The following TMEM230 variants were observed in gnomAD, a reference collection of about 807,000 sequenced individuals.
TMEM230 encodes the protein transmembrane protein 230, also known as UPF0414 transmembrane protein C20orf30.
In TMEM230, 10 loss-of-function variants were observed where a neutral mutation model predicts 15.8. That is an observed-to-expected ratio of 0.63 (90% confidence interval 0.39 to 1.07). TMEM230 has a LOEUF of 1.07. Among genes scored for constraint, TMEM230 ranks in the 50% least tolerant of loss-of-function variants. The probability of loss-of-function intolerance (pLI) is 0.01; values close to 1 mark genes in which losing one functional copy is unlikely to be tolerated. For missense variants in TMEM230, 165 were observed against 193.3 expected (o/e 0.85, Z 0.87); for synonymous variants, 67 against 76.9 (o/e 0.87, Z 0.68).
intron 3 of TMEM230, among the ~76,000 whole-genome samples, chr20:5,091,309 C>T (rs1349548336): frequency 2.0e-5 from 3 of 152,192 alleles, no homozygotes; most frequent in Admixed American, 1.3e-4. Context: ...CTCCCCGGTT[C>T]AAGTGATTCT....
At chr20:5,088,390 C>T (rs2089415896) in intron 3 of TMEM230, among the ~76,000 whole-genome samples, 1 of 151,734 alleles carries the variant, frequency 6.6e-6, no homozygotes, top group African/African-American at 2.4e-5. Flanking sequence ...CCAGCATTTT[C>T]CACGGGAGAC....
downstream of TMEM230, among the ~76,000 whole-genome samples, chr20:5,065,268 T>G (rs776477838): frequency 7.9e-5 from 12 of 152,074 alleles, no homozygotes; most frequent in Non-Finnish European, 1.2e-4. Context: ...AAAAAAAGAT[T>G]AACTTCCCAA....
chr20:5,103,216 C>T (rs889265796), intron 4 of TMEM230, among the ~76,000 whole-genome samples: 2 of 152,146 alleles, frequency 1.3e-5, no homozygotes, highest in Non-Finnish European at 2.9e-5. Flanking sequence ...AATTCCAGCA[C>T]TTTGGGAGGC....
chr20:5,065,356 G>A (rs1237474835), downstream of TMEM230, among the ~76,000 whole-genome samples: 1 of 152,214 alleles, frequency 6.6e-6, no homozygotes, highest in Non-Finnish European at 1.5e-5. Context: ...TGGCTGAGAG[G>A]TGACCAATTG....
chr20:5,061,806 T>C, the TMEM230 span, among the ~76,000 whole-genome samples: 1 of 152,090 alleles, frequency 6.6e-6, no homozygotes, highest in Admixed American at 6.5e-5. Flanking sequence ...GGAGTATACT[T>C]GAAAATAGGG....
At chr20:5,064,966 T>C (rs1236861779), downstream of TMEM230, among the ~76,000 whole-genome samples, 1 of 151,824 alleles carries the variant, frequency 6.6e-6, no homozygotes, top group African/African-American at 2.4e-5. Context: ...AGCTTAGGAG[T>C]TTGAGACCAG....
At chr20:5,080,715 C>T (rs986492436) in intron 3 of TMEM230, among the ~76,000 whole-genome samples, 4 of 152,068 alleles carry the variant, frequency 2.6e-5, no homozygotes, top group Admixed American at 6.6e-5. Context: ...TACAGGCATG[C>T]GCCACCACGC....
At chr20:5,096,943 G>A (rs141145483), downstream of TMEM230, among the ~76,000 whole-genome samples, 37 of 152,282 alleles carry the variant, frequency 2.4e-4, no homozygotes, top group African/African-American at 7.9e-4. Context: ...AAAGAGTGGT[G>A]GAAACTTTAG....
intron 3 of TMEM230, among the ~76,000 whole-genome samples, chr20:5,074,373 T>C (rs960284684): frequency 3.9e-5 from 6 of 152,032 alleles, no homozygotes; most frequent in African/African-American, 1.5e-4. Flanking sequence ...TGAACCTTAC[T>C]AGATACCCCT....
intron 4 of TMEM230, among the ~76,000 whole-genome samples, chr20:5,103,917 A>G (rs2089971965): frequency 1.3e-5 from 2 of 152,212 alleles, no homozygotes. Context: ...AAGCACAAGC[A>G]ACCAAAACAA....
downstream of TMEM230, among the ~76,000 whole-genome samples, chr20:5,064,146 A>G (rs371932805): frequency 3.9e-5 from 6 of 152,282 alleles, no homozygotes; most frequent in East Asian, 1.2e-3. Flanking sequence ...GCACACCTGT[A>G]GTCCCAGCTA....
intron 3 of TMEM230, among the ~76,000 whole-genome samples, chr20:5,084,985 T>C (rs1026932039): frequency 6.6e-6 from 1 of 152,236 alleles, no homozygotes; most frequent in African/African-American, 2.4e-5. Flanking sequence ...TTTAGTAATT[T>C]ATATTTTATT....
At chr20:5,102,006 C>A (rs934340341) in intron 4 of TMEM230, among the ~76,000 whole-genome samples, 38 of 152,202 alleles carry the variant, frequency 2.5e-4, no homozygotes, top group African/African-American at 9.2e-4. Flanking sequence ...GCATGCTGCT[C>A]CAGCTACAGC....
At chr20:5,063,378 C>T (rs1415876685), downstream of TMEM230, among the ~76,000 whole-genome samples, 1 of 144,906 alleles carries the variant, frequency 6.9e-6, no homozygotes, top group Non-Finnish European at 1.5e-5. Context: ...ACTTCTGCCT[C>T]CCAGTTTCAA....
chr20:5,106,292 T>G lies in TMEM230; in HGVS notation c.307A>C (p.Lys103Gln). ...AGTGCGATGGCCTTATAAGGGATCT[T>G]AGGAGGGGTTTTCTTAAACTGGAAG... The change falls in exon 4 of 5, where the codon AAG (lysine) becomes CAG (glutamine). Residue 103 changes from lysine (K) to glutamine (Q), a missense_variant. Lys to Gln is a moderately conservative substitution (Grantham distance 53, BLOSUM62 1). Transcript: ENST00000342308. 6.2e-7 allele frequency: 1 copy of G among 1,605,952 alleles called. No individual in the cohort carries two copies. Among genetic ancestry groups the G allele is most frequent in the Non-Finnish European group, 8.5e-7 (1 of 1,177,852 alleles).
At chr20:5,109,530 T>C in intron 2 of TMEM230, 85 bp from the exon 2 acceptor site, 3 of 1,048,734 alleles carry the variant, frequency 2.9e-6, no homozygotes, top group Non-Finnish European at 4.3e-6. Context: ...TATTAGATGC[T>C]GTGCACTGGA....
At chr20:5,100,977 C>A (rs758326182) in intron 4 of TMEM230, 46 bp from the exon 4 acceptor site, 31 of 1,605,722 alleles carry the variant, frequency 1.9e-5, no homozygotes, top group Non-Finnish European at 2.6e-5. Context: ...AAGAGTTACA[C>A]ATTTTAAAAT....
chr20:5,096,823 A>G (rs1236797557), downstream of TMEM230, among the ~76,000 whole-genome samples: 1 of 152,230 alleles, frequency 6.6e-6, no homozygotes, highest in Non-Finnish European at 1.5e-5. Flanking sequence ...ACACGATTCC[A>G]GCTCTTCATT....
chr20:5,110,936 C>T (rs2090288053), intron 2 of TMEM230: 1 of 152,114 alleles, frequency 6.6e-6, no homozygotes, highest in African/African-American at 2.4e-5. Flanking sequence ...AATCCCAGAA[C>T]TTTGGGAGGC....
Sources: allele counts gnomAD v4.1 joint callset (sites outside exome capture counted in the v4.1 genomes callset), GRCh38; gene constraint gnomAD v4.1.1; transcripts MANE v1.5; gene names NCBI Gene and HGNC (gene_info 2026-07-23, HGNC 2026-07-21).